Variants in PCBP3 observed in about 807,000 individuals in gnomAD.
The protein encoded by PCBP3 is poly(rC)-binding protein 3.
In PCBP3, 25 loss-of-function variants were observed where a neutral mutation model predicts 52.7. The ratio of observed to expected loss-of-function variants is 0.47; its 90% CI spans 0.35 to 0.66. The LOEUF (loss-of-function observed/expected upper bound fraction) is 0.66. Ranked by LOEUF, PCBP3 falls within the 30% of genes least tolerant of loss-of-function variation. PCBP3 has a pLI of 0.01. For missense variants in PCBP3, 391 were observed against 490.3 expected (o/e 0.80, Z 1.91); for synonymous variants, 162 against 183.0 (o/e 0.89, Z 0.93).
chr21:45,891,736 C>A (rs1382306066), intron 5 of PCBP3, among the ~76,000 whole-genome samples: 1 of 152,232 alleles, frequency 6.6e-6, no homozygotes, highest in Non-Finnish European at 1.5e-5. Context: ...AAGGCCATGA[C>A]ACCACATTAC....
intron 1 of PCBP3, among the ~76,000 whole-genome samples, chr21:45,666,201 T>C (rs1161387622): frequency 3.9e-5 from 6 of 152,146 alleles, no homozygotes; most frequent in Non-Finnish European, 8.8e-5. Context: ...CCTCTAAGAA[T>C]TGGAACAAAA....
chr21:45,934,824 A>G (rs2076706249), intron 15 of PCBP3, among the ~76,000 whole-genome samples: 1 of 151,660 alleles, frequency 6.6e-6, no homozygotes, highest in Non-Finnish European at 1.5e-5. Flanking sequence ...GAACTAAGGG[A>G]AAATGGGCAC....
At chr21:45,868,428 TTTTTA>T (rs1259062618) in intron 5 of PCBP3, among the ~76,000 whole-genome samples, 1 of 122,884 alleles carries the variant, frequency 8.1e-6, no homozygotes, top group African/African-American at 2.8e-5. Context: ...TTTTTTTTTT[TTTTTA>T]AATAAAGGAT....
chr21:45,723,966 C>T (rs997547626), intron 2 of PCBP3, among the ~76,000 whole-genome samples: 5 of 152,094 alleles, frequency 3.3e-5, no homozygotes, highest in East Asian at 1.9e-4. Context: ...CTTCCTTGCC[C>T]GTCCTCCTCC....
chr21:45,780,887 G>T (rs772986798), intron 4 of PCBP3, among the ~76,000 whole-genome samples: 25 of 152,144 alleles, frequency 1.6e-4, no homozygotes, highest in Non-Finnish European at 3.4e-4. Flanking sequence ...ATTTTAGTTT[G>T]TGGGTTTAGA....
In PCBP3 at chr21:45,657,846, TATC is replaced by T. The variant is rs1460767509; in HGVS notation, c.-278-11027_-278-11025del. Among the ~76,000 whole-genome samples the T allele has an allele frequency of 9.2e-5, 14 of 152,362 alleles. 1 individual carries two copies. The highest frequency in any genetic ancestry group is 2.9e-4 in the African/African-American group (12 of 41,584). On this transcript the variant is annotated intron_variant, in intron 1 of 17. Coordinates refer to ENST00000681687, the MANE Select transcript of PCBP3 (RefSeq NM_001384156.1). ...GGATTTTTTATATGCAAGATTATATTATCTGCAGATATAGATACTTTTAATTCT... is the reference window on the plus strand; with the variant it reads ...GGATTTTTTATATGCAAGATTATATTTGCAGATATAGATACTTTTAATTCT...
intron 2 of PCBP3, among the ~76,000 whole-genome samples, chr21:45,674,541 C>T (rs1199583008): frequency 6.6e-6 from 1 of 152,040 alleles, no homozygotes; most frequent in African/African-American, 2.4e-5. Flanking sequence ...GCATATATGG[C>T]CCTTTCACAG....
rs911601818 is a variant in PCBP3 at position 45,724,752 on chromosome 21, C to G, written c.-199-10640C>G. Reference sequence around the variant, plus strand: ...TGGCACTCTGTAACCCGCCCCCCCTCAGCTGGAGTGGCACTCTGTTGGCTG... The same window carrying G: ...TGGCACTCTGTAACCCGCCCCCCCTGAGCTGGAGTGGCACTCTGTTGGCTG... On this transcript the variant is annotated intron_variant, in intron 2 of 17. Coordinates refer to ENST00000681687, the MANE Select transcript of PCBP3 (RefSeq NM_001384156.1). This position sits in a 1 kb window ranked among gnomAD's most constrained non-coding sequence, Gnocchi z 5.3. 5.3e-5 allele frequency among the ~76,000 whole-genome samples: 8 copies of G among 151,878 alleles called. No homozygotes were observed. The highest frequency in any genetic ancestry group is 1.2e-4 in the Non-Finnish European group (8 of 67,956).
At chr21:45,687,816 C>T (rs917677650) in intron 2 of PCBP3, among the ~76,000 whole-genome samples, 4 of 151,540 alleles carry the variant, frequency 2.6e-5, no homozygotes, top group East Asian at 1.9e-4. Flanking sequence ...CTGCAAGCTC[C>T]ACCCGCCAGG....
At chr21:45,841,001 A>G (rs1379776182) in intron 4 of PCBP3, among the ~76,000 whole-genome samples, 1 of 152,178 alleles carries the variant, frequency 6.6e-6, no homozygotes, top group Admixed American at 6.5e-5. Context: ...GAACTGTGTC[A>G]CAGTTGCCTA....
intron 4 of PCBP3, among the ~76,000 whole-genome samples, chr21:45,779,646 A>G (rs530340106): frequency 2.0e-5 from 3 of 152,218 alleles, no homozygotes; most frequent in Non-Finnish European, 4.4e-5. Flanking sequence ...TAAATTGGAC[A>G]AGAGATGTTC....
At chr21:45,732,642 A>G (rs988950621) in intron 2 of PCBP3, 3 of 151,684 alleles carry the variant, frequency 2.0e-5, no homozygotes, top group Non-Finnish European at 4.4e-5. Context: ...TCCATTTTTG[A>G]AAACTTTTTG....
At chr21:45,881,034 G>A (rs1272207417) in intron 5 of PCBP3, among the ~76,000 whole-genome samples, 2 of 152,182 alleles carry the variant, frequency 1.3e-5, no homozygotes, top group East Asian at 1.9e-4. Flanking sequence ...CCAGCTGCGG[G>A]CCACAGCTGT....
At chr21:45,710,386 A>G in intron 2 of PCBP3, among the ~76,000 whole-genome samples, 1 of 152,018 alleles carries the variant, frequency 6.6e-6, no homozygotes, top group East Asian at 1.9e-4. Flanking sequence ...ATTCCCACCT[A>G]TGAGTGAGAA....
rs973961818 is a variant in PCBP3, at chr21:45,796,435, C to T, written c.-126+40983C>T. Reference sequence around the variant, plus strand: ...AGTTTCCTCTTTGGGATGCTGTTCACATGTGTTTGCACTTCCTTGTCTGTC... The same window carrying T: ...AGTTTCCTCTTTGGGATGCTGTTCATATGTGTTTGCACTTCCTTGTCTGTC... On this transcript the variant is annotated intron_variant, in intron 4 of 17. Coordinates refer to ENST00000681687, the MANE Select transcript of PCBP3 (RefSeq NM_001384156.1). Among the ~76,000 whole-genome samples the T allele has an allele frequency of 2.6e-5, 4 of 152,222 alleles. No homozygotes were observed. The South Asian group carries it at 6.2e-4, about 24-fold the overall frequency.
At chr21:45,747,451 T>C (rs984843533) in intron 3 of PCBP3, among the ~76,000 whole-genome samples, 3 of 152,222 alleles carry the variant, frequency 2.0e-5, no homozygotes, top group Non-Finnish European at 4.4e-5. Context: ...CTGAGCCTCC[T>C]GGACTCTGGC....
rs1052873910 is a variant in PCBP3 at position 45,942,071 on chromosome 21, G to A, written c.*365G>A. The A allele has an allele frequency of 1.8e-5, 4 of 224,614 alleles. No homozygotes were observed. Among genetic ancestry groups the A allele is most frequent in the Non-Finnish European group, 2.6e-5 (3 of 115,374 alleles). 13.9% of individuals were successfully genotyped at this position (224,614 alleles called of 1,614,324 possible). ...CACTTCCTGTCCGCCCTTCTCCTCT[G>A]CCATCCAGAACCGTCCAGAACTGTT... is the stretch of plus-strand genomic sequence containing the variant. On this transcript the variant is annotated 3_prime_UTR_variant, in exon 18 of 18. Coordinates refer to ENST00000681687, the MANE Select transcript of PCBP3 (RefSeq NM_001384156.1).
At chr21:45,815,626 G>C (rs2092902189) in intron 4 of PCBP3, among the ~76,000 whole-genome samples, 1 of 82,904 alleles carries the variant, frequency 1.2e-5, no homozygotes, top group Non-Finnish European at 2.3e-5. Flanking sequence ...AGTGAGTGAT[G>C]AGTGGTGAGT....
chr21:45,932,274 A>G (rs577431070), intron 15 of PCBP3, among the ~76,000 whole-genome samples: 1 of 151,312 alleles, frequency 6.6e-6, no homozygotes, highest in East Asian at 2.0e-4. Flanking sequence ...CACCTGGTCC[A>G]TGCCGTCATG....
Sources: gnomAD v4.1 joint callset for allele counts (sites outside exome capture counted in the v4.1 genomes callset) on GRCh38, gnomAD v4.1.1 for gene constraint, Gnocchi (gnomAD v3.1) non-coding constraint, MANE v1.5 for transcripts, NCBI Gene and HGNC (gene_info 2026-07-23, HGNC 2026-07-21) for gene names.